ACACA: variants seen among roughly 807,000 people sequenced by gnomAD.
The protein encoded by ACACA is acetyl-CoA carboxylase 1.
Under a neutral mutation model 296.1 loss-of-function variants are expected in ACACA, and 103 were observed. The ratio of observed to expected loss-of-function variants is 0.35; its 90% CI spans 0.30 to 0.41. ACACA has a LOEUF of 0.41. Ranked by LOEUF, ACACA falls within the 10% of genes least tolerant of loss-of-function variation. ACACA has a pLI of 1.00. For missense variants in ACACA, 1,554 were observed against 2,989.7 expected, an observed-to-expected ratio of 0.52 and a Z score of 11.20; for synonymous variants, 953 against 1,038.6, an observed-to-expected ratio of 0.92 and a Z score of 1.58.
At chr17:37,255,095 T>C (rs1156405985) in intron 14 of ACACA, among the ~76,000 whole-genome samples, 2 of 150,438 alleles carry the variant, frequency 1.3e-5, no homozygotes, top group African/African-American at 4.9e-5. Context: ...AGCAAGACTC[T>C]GTCTCAAAAA....
chr17:37,095,554 T>C (rs2072935015), intron 54 of ACACA, among the ~76,000 whole-genome samples: 1 of 152,180 alleles, frequency 6.6e-6, no homozygotes, highest in South Asian at 2.1e-4. Flanking sequence ...GGCAACACTT[T>C]CTAGGCAGAG....
intron 48 of ACACA, among the ~76,000 whole-genome samples, chr17:37,125,105 G>A (rs183543146): frequency 6.6e-6 from 1 of 152,280 alleles, no homozygotes; most frequent in Non-Finnish European, 1.5e-5. Context: ...TTGCTGTTGA[G>A]TGAAGCACTT....
intron 45 of ACACA, among the ~76,000 whole-genome samples, chr17:37,131,838 T>A (rs1040876034): frequency 2.6e-5 from 4 of 152,216 alleles, no homozygotes; most frequent in Non-Finnish European, 5.9e-5. Context: ...TTTTCCTTGA[T>A]AAGGAAGCGC....
At chr17:37,296,455 G>A (rs536508358) in intron 3 of ACACA, among the ~76,000 whole-genome samples, 3 of 151,704 alleles carry the variant, frequency 2.0e-5, no homozygotes, top group East Asian at 1.9e-4. Flanking sequence ...AGAGGCGCCC[G>A]CCACCACGCC....
rs1411105163 is a variant in ACACA at position 37,155,773 on chromosome 17, C to T, written c.5357G>A (p.Arg1786Lys). ...ATCTTGAGGAGTCAGATATAAATAC[C>T]TGTATCCCTGTGAAGCACAAATAGT... ...VDPEDPYKGY[R>K]YLYLTPQDYK... The change falls in exon 43 of 56, where the codon AGG becomes AAG. Residue 1786 changes from arginine (R) to lysine (K), a missense_variant. Around this residue, in one of 16 missense-constraint regions of ACACA, gnomAD observed 553 missense variants for 1,043.6 expected, o/e 0.53. Transcript: ENST00000616317. 10 of 1,598,030 alleles carry T rather than the reference C, an allele frequency of 6.3e-6. No homozygotes were observed. The highest frequency in any genetic ancestry group is 8.6e-6 in the Non-Finnish European group (10 of 1,167,686).
chr17:37,349,396 A>T (rs574433063), intron 1 of ACACA, among the ~76,000 whole-genome samples: 17 of 146,936 alleles, frequency 1.2e-4, no homozygotes, highest in Admixed American at 4.8e-4. Context: ...TATATATATA[A>T]AACATATATA....
intron 16 of ACACA, among the ~76,000 whole-genome samples, chr17:37,250,713 C>T (rs1213811873): frequency 6.6e-6 from 1 of 151,980 alleles, no homozygotes; most frequent in East Asian, 1.9e-4. Flanking sequence ...GCAACTGAAA[C>T]TTTATTTGAG....
At chr17:37,223,220 C>T (rs2079377669) in intron 28 of ACACA, among the ~76,000 whole-genome samples, 1 of 152,080 alleles carries the variant, frequency 6.6e-6, no homozygotes, top group Non-Finnish European at 1.5e-5. Context: ...TACAAGGAAT[C>T]CTAATTCATT....
rs1334468757 is a variant in ACACA, at chr17:37,210,502, C to A, written c.3684-12G>T. Reference sequence around the variant, plus strand: ...TAGGGATGTTCCCTCTGTAATTAAACAACCACAGTTAGTTACTGATAAGTT... The same window carrying A: ...TAGGGATGTTCCCTCTGTAATTAAAAAACCACAGTTAGTTACTGATAAGTT... On this transcript the variant is annotated splice_polypyrimidine_tract_variant and intron_variant, in intron 29 of 55. Coordinates refer to ENST00000616317, the MANE Select transcript of ACACA (RefSeq NM_198834.3). 13 of 1,609,132 alleles carry A rather than the reference C, an allele frequency of 8.1e-6. No individual in the cohort carries two copies. The highest frequency in any genetic ancestry group is 1.1e-5 in the Non-Finnish European group (13 of 1,176,484).
At chr17:37,169,406 C>T (rs2144629357) in intron 41 of ACACA, among the ~76,000 whole-genome samples, 1 of 152,218 alleles carries the variant, frequency 6.6e-6, no homozygotes, top group Non-Finnish European at 1.5e-5. Context: ...AAAATGCTTC[C>T]CTCTGCCCTT....
chr17:37,391,875 T>C (rs2050899612), intron 1 of ACACA: 2 of 719,720 alleles, frequency 2.8e-6, no homozygotes, highest in Non-Finnish European at 4.7e-6. Context: ...GAGTGTGGGC[T>C]TAGCAGAGTT....
At chr17:37,380,578 C>T (rs932136319) in intron 1 of ACACA, among the ~76,000 whole-genome samples, 11 of 151,946 alleles carry the variant, frequency 7.2e-5, no homozygotes, top group East Asian at 3.9e-4. Context: ...CTTCTTTCAA[C>T]AGTTTTTTAA....
intron 24 of ACACA, among the ~76,000 whole-genome samples, chr17:37,235,808 G>C (rs2080083782): frequency 6.6e-6 from 1 of 152,126 alleles, no homozygotes; most frequent in Non-Finnish European, 1.5e-5. Context: ...GGTCTGTAGG[G>C]AGACTAAAGT....
intron 42 of ACACA, chr17:37,161,470 C>T (rs1355906742): frequency 5.3e-6 from 2 of 380,240 alleles, no homozygotes; most frequent in Non-Finnish European, 9.5e-6. Flanking sequence ...CTGGAAGCCA[C>T]AATTAAATAA....
rs746267957 is a variant in ACACA at position 37,388,764 on chromosome 17, A to T, written c.38+17498T>A. ...TGTTGCTCAGTGGAGTTGCCATTATAGTATTTGTAATTTTTGAAGTCCCAT... is the reference window on the plus strand; with the variant it reads ...TGTTGCTCAGTGGAGTTGCCATTATTGTATTTGTAATTTTTGAAGTCCCAT... On this transcript the variant is annotated intron_variant, in intron 1 of 55. Transcript: ENST00000616317. 3.1e-6 allele frequency: 5 copies of T among 1,613,078 alleles called. No individual in the cohort carries two copies. In the African/African-American group the frequency reaches 6.7e-5, roughly 22 times the overall value.
chr17:37,394,882 CTG>C (rs2051026324), intron 1 of ACACA, among the ~76,000 whole-genome samples: 1 of 151,072 alleles, frequency 6.6e-6, no homozygotes, highest in East Asian at 2.0e-4. Context: ...CAGCGAGACT[CTG>C]TCTCAAAAAA....
At chr17:37,310,611 T>C (rs914439080) in intron 3 of ACACA, among the ~76,000 whole-genome samples, 1 of 151,576 alleles carries the variant, frequency 6.6e-6, no homozygotes, top group African/African-American at 2.4e-5. Context: ...CTGGACAACA[T>C]GGTGAAACCC....
At chr17:37,255,573 G>A (rs2081190545) in intron 14 of ACACA, among the ~76,000 whole-genome samples, 1 of 152,162 alleles carries the variant, frequency 6.6e-6, no homozygotes, top group Non-Finnish European at 1.5e-5. Context: ...GACATTCCCT[G>A]AAGAAAATAC....
At chr17:37,245,363 C>T (rs2080643522) in intron 19 of ACACA, 149 bp from the exon 20 acceptor site, 1 of 721,628 alleles carries the variant, frequency 1.4e-6, no homozygotes, top group African/African-American at 1.8e-5. Flanking sequence ...CTCCTAGGGA[C>T]TATCAAGGCA....
Sources: gnomAD v4.1 joint callset for allele counts (sites outside exome capture counted in the v4.1 genomes callset) on GRCh38, gnomAD v4.1.1 for gene constraint, gnomAD v4.1.1 regional missense constraint, MANE v1.5 for transcripts, NCBI Gene and HGNC (gene_info 2026-07-23, HGNC 2026-07-21) for gene names.